TENM4: variants seen among roughly 807,000 people sequenced by gnomAD.
TENM4 encodes the protein teneurin transmembrane protein 4.
TENM4 carries 82 observed loss-of-function variants against 243.3 expected under a neutral mutation model. That is an observed-to-expected ratio of 0.34 (90% CI 0.28 to 0.40). The LOEUF is 0.40. TENM4 is among the 10% of genes least tolerant of loss of function. The pLI is 1.00. For synonymous variants in TENM4, 1,412 were observed against 1,456.3 expected, an observed-to-expected ratio of 0.97 and a Z score of 0.69; for missense variants, 3,138 against 3,673.3, an observed-to-expected ratio of 0.85 and a Z score of 3.77.
At chr11:78,841,737 C>T (rs1284263975) in intron 12 of TENM4, among the ~76,000 whole-genome samples, 3 of 151,970 alleles carry the variant, frequency 2.0e-5, no homozygotes, top group Non-Finnish European at 4.4e-5. Flanking sequence ...GAACCTGCCT[C>T]CTCCTCAGGT....
chr11:78,981,721 A>T (rs1013844556), intron 6 of TENM4, among the ~76,000 whole-genome samples: 5 of 152,178 alleles, frequency 3.3e-5, no homozygotes, highest in Admixed American at 2.6e-4. Context: ...ATAAATGTTG[A>T]AGCTAACGAT....
intron 4 of TENM4, among the ~76,000 whole-genome samples, chr11:79,135,994 C>G (rs576512777): frequency 6.6e-6 from 1 of 151,748 alleles, no homozygotes; most frequent in South Asian, 2.1e-4. Context: ...TATGAGGATT[C>G]AAAGGCATAA....
intron 1 of TENM4, among the ~76,000 whole-genome samples, chr11:79,349,364 G>A (rs1218049474): frequency 6.6e-6 from 1 of 152,192 alleles, no homozygotes; most frequent in Non-Finnish European, 1.5e-5. Flanking sequence ...TGCTGTGGGA[G>A]GAGTTAAAAC....
At chr11:78,928,688 C>T (rs1036892741) in intron 6 of TENM4, among the ~76,000 whole-genome samples, 1 of 152,078 alleles carries the variant, frequency 6.6e-6, no homozygotes, top group Non-Finnish European at 1.5e-5. Flanking sequence ...ACAATTAAAC[C>T]TAGTTTATAA....
intron 22 of TENM4, among the ~76,000 whole-genome samples, chr11:78,727,283 C>T (rs994180763): frequency 6.6e-6 from 1 of 152,036 alleles, no homozygotes; most frequent in African/African-American, 2.4e-5. Flanking sequence ...CTCGTCTCTA[C>T]TAAAAATACA....
chr11:79,083,084 G>T (rs1333270521), intron 4 of TENM4, among the ~76,000 whole-genome samples: 1 of 152,144 alleles, frequency 6.6e-6, no homozygotes, highest in Non-Finnish European at 1.5e-5. Context: ...TTTCATCCAA[G>T]GCCTCAAAGG....
At chr11:79,283,795 C>A (rs1353470119) in intron 2 of TENM4, among the ~76,000 whole-genome samples, 2 of 151,992 alleles carry the variant, frequency 1.3e-5, no homozygotes, top group Non-Finnish European at 2.9e-5. Flanking sequence ...ATAACAAGGT[C>A]TTATATATAG....
At chr11:79,227,714 C>T (rs1047023567) in intron 2 of TENM4, among the ~76,000 whole-genome samples, 1 of 152,174 alleles carries the variant, frequency 6.6e-6, no homozygotes, top group Admixed American at 6.5e-5. Context: ...GGTTGATAAA[C>T]TAATGTGGGA....
chr11:79,352,179 C>T (rs1857425492), intron 1 of TENM4, among the ~76,000 whole-genome samples: 1 of 152,200 alleles, frequency 6.6e-6, no homozygotes, highest in Admixed American at 6.5e-5. Flanking sequence ...CAATGTCTCA[C>T]CCTTTCCCTG....
At chr11:78,695,560 A>G (rs1381742479) in intron 28 of TENM4, among the ~76,000 whole-genome samples, 2 of 152,006 alleles carry the variant, frequency 1.3e-5, no homozygotes, top group South Asian at 2.1e-4. Flanking sequence ...GTGGGGTTTC[A>G]CCATGTTGGC....
intron 6 of TENM4, among the ~76,000 whole-genome samples, chr11:79,063,912 C>G (rs1186009290): frequency 2.0e-5 from 3 of 152,134 alleles, no homozygotes; most frequent in Non-Finnish European, 4.4e-5. Context: ...GCAGCAAAGC[C>G]TCAAGTTTTA....
chr11:79,231,385 T>A (rs948434996), intron 2 of TENM4, among the ~76,000 whole-genome samples: 1 of 122,676 alleles, frequency 8.2e-6, no homozygotes, highest in African/African-American at 3.3e-5. Context: ...AAATTAGTAA[T>A]TTTTTTTTTT....
Position 79,065,017 on chromosome 11 carries a change from A to G in TENM4, c.224-10T>C. The G allele has an allele frequency of 6.9e-7, 1 of 1,454,390 alleles. No homozygotes were observed. The highest frequency in any genetic ancestry group is 9.1e-7 in the Non-Finnish European group (1 of 1,099,580). 90.1% of individuals were successfully genotyped at this position (1,454,390 alleles called of 1,614,324 possible). On this transcript the variant is annotated splice_polypyrimidine_tract_variant and intron_variant, in intron 5 of 33. Coordinates refer to ENST00000278550, the MANE Select transcript of TENM4 (RefSeq NM_001098816.3). ...AGGGTGAAGTTGGCACCTGGGAGGA[A>G]ACACAGGTGAACTTGGTTAGGGCAC...
intron 3 of TENM4, among the ~76,000 whole-genome samples, chr11:79,176,862 A>G (rs1447692617): frequency 6.6e-6 from 1 of 152,238 alleles, no homozygotes; most frequent in Non-Finnish European, 1.5e-5. Context: ...CGGTCTGAAG[A>G]ACAGAGAAAT....
chr11:79,388,640 T>G (rs897258641), intron 1 of TENM4, among the ~76,000 whole-genome samples: 1 of 152,136 alleles, frequency 6.6e-6, no homozygotes, highest in African/African-American at 2.4e-5. Context: ...CCTTTATTCC[T>G]CTGGCAAATG....
At chr11:79,340,692 G>A (rs2135460146) in intron 1 of TENM4, among the ~76,000 whole-genome samples, 1 of 152,154 alleles carries the variant, frequency 6.6e-6, no homozygotes, top group Middle Eastern at 3.4e-3. Flanking sequence ...ATGCCTTGGT[G>A]CTCTTGCTTT....
At chr11:79,091,798 A>G (rs1356797312) in intron 4 of TENM4, among the ~76,000 whole-genome samples, 1 of 152,034 alleles carries the variant, frequency 6.6e-6, no homozygotes, top group East Asian at 1.9e-4. Context: ...TCTTTTTTCA[A>G]ATATACTTAG....
chr11:79,067,247 A>G (rs1463963259), intron 5 of TENM4, among the ~76,000 whole-genome samples: 3 of 152,128 alleles, frequency 2.0e-5, no homozygotes, highest in African/African-American at 7.2e-5. Context: ...CCCTACTCCA[A>G]TCTGCCCTCC....
rs564631140 is a variant in TENM4, at chr11:78,737,068, T to C, written c.2876+1383A>G. 2.6e-5 allele frequency among the ~76,000 whole-genome samples: 4 copies of C among 152,368 alleles called. No homozygotes were observed. In the East Asian group the frequency reaches 5.8e-4, roughly 22 times the overall value. On this transcript the variant is annotated intron_variant, in intron 20 of 33. Coordinates refer to ENST00000278550, the MANE Select transcript of TENM4 (RefSeq NM_001098816.3). The stretch of plus-strand genomic sequence containing the variant: ...CACAACAGGGCATAAGGACTGACGA[T>C]TTGCCATCTCACAGGAGTGACTGGC...
Sources: allele counts gnomAD v4.1 joint callset (sites outside exome capture counted in the v4.1 genomes callset), GRCh38; gene constraint gnomAD v4.1.1; transcripts MANE v1.5; gene names NCBI Gene and HGNC (gene_info 2026-07-23, HGNC 2026-07-21).